Variants in DISC1 observed in about 807,000 individuals in gnomAD.
DISC1 encodes DISC1 scaffold protein.
A neutral mutation model predicts 84.5 loss-of-function variants in DISC1; 57 were observed. That is an observed-to-expected ratio of 0.67 (90% CI 0.55 to 0.84). DISC1 has a LOEUF of 0.84. Among genes scored for constraint, DISC1 ranks in the 40% least tolerant of loss-of-function variants. The pLI is 0.00. For missense variants in DISC1, 1,000 were observed against 1,057.8 expected (o/e 0.95, Z 0.76); for synonymous variants, 411 against 415.2 (o/e 0.99, Z 0.12).
At chr1:231,952,566 A>T (rs1270481622) in intron 9 of DISC1, among the ~76,000 whole-genome samples, 1 of 151,924 alleles carries the variant, frequency 6.6e-6, no homozygotes, top group Non-Finnish European at 1.5e-5. Context: ...GTAAAATCAC[A>T]CAATTAACCT....
At chr1:231,696,503 T>C (rs2065725121) in intron 2 of DISC1, among the ~76,000 whole-genome samples, 1 of 152,248 alleles carries the variant, frequency 6.6e-6, no homozygotes, top group African/African-American at 2.4e-5. Context: ...ACACTTTTTC[T>C]TTAGTGTAAG....
At chr1:231,992,494 A>G (rs184526912) in intron 10 of DISC1, among the ~76,000 whole-genome samples, 113 of 152,328 alleles carry the variant, frequency 7.4e-4, no homozygotes, top group African/African-American at 2.7e-3. Context: ...CGTTTGCCAC[A>G]TAAGAGTTTA....
At chr1:231,997,197 C>G (rs1411483465) in intron 10 of DISC1, among the ~76,000 whole-genome samples, 1 of 152,196 alleles carries the variant, frequency 6.6e-6, no homozygotes, top group Non-Finnish European at 1.5e-5. Flanking sequence ...ACTACCCTCA[C>G]TCAGGGTGCA....
At chr1:232,001,713 C>T (rs1666716889) in intron 10 of DISC1, among the ~76,000 whole-genome samples, 1 of 152,016 alleles carries the variant, frequency 6.6e-6, no homozygotes, top group African/African-American at 2.4e-5. Context: ...AACTAAGTCT[C>T]ATACTTCATG....
At chr1:232,019,942 T>A (rs564823118) in intron 11 of DISC1, among the ~76,000 whole-genome samples, 1 of 152,160 alleles carries the variant, frequency 6.6e-6, no homozygotes, top group Non-Finnish European at 1.5e-5. Context: ...CCTCCAGGAA[T>A]TGAGACTTTG....
At chr1:231,938,838 G>A (rs2091133959) in intron 9 of DISC1, among the ~76,000 whole-genome samples, 2 of 152,098 alleles carry the variant, frequency 1.3e-5, no homozygotes. Flanking sequence ...TCTTCTGTTA[G>A]GCAACTCTGC....
chr1:231,968,614 A>C (rs893898079), intron 10 of DISC1, among the ~76,000 whole-genome samples: 2 of 151,524 alleles, frequency 1.3e-5, no homozygotes, highest in Admixed American at 1.3e-4. Context: ...AAAAAAGCAA[A>C]AACAAAAACA....
At chr1:231,762,455 C>T (rs2075818890) in intron 4 of DISC1, among the ~76,000 whole-genome samples, 1 of 151,332 alleles carries the variant, frequency 6.6e-6, no homozygotes, top group African/African-American at 2.4e-5. Context: ...CCACTTCAGC[C>T]TCCCAAGTAG....
chr1:231,852,310 T>C (rs947236000), intron 9 of DISC1, among the ~76,000 whole-genome samples: 1 of 152,256 alleles, frequency 6.6e-6, no homozygotes, highest in Non-Finnish European at 1.5e-5. Context: ...TGAATCTTTA[T>C]TTCAGAGCTT....
At chr1:231,702,111 A>G (rs2066502083) in intron 3 of DISC1, 87 bp downstream of exon 3, 11 of 1,521,690 alleles carry the variant, frequency 7.2e-6, no homozygotes, top group South Asian at 3.8e-5. Context: ...TTGAATCCCA[A>G]AAGAATTGTA....
chr1:231,917,044 G>A (rs1427881929), intron 9 of DISC1, among the ~76,000 whole-genome samples: 1 of 152,058 alleles, frequency 6.6e-6, no homozygotes, highest in Non-Finnish European at 1.5e-5. Flanking sequence ...CCCTCTTTCG[G>A]GGTACGACAT....
chr1:232,029,167 G>T (rs1669760496), intron 12 of DISC1, among the ~76,000 whole-genome samples: 1 of 152,138 alleles, frequency 6.6e-6, no homozygotes, highest in African/African-American at 2.4e-5. Context: ...GTTGTGATAA[G>T]CGGAGAAGCA....
At chr1:231,982,445 A>G (rs902329735) in intron 10 of DISC1, among the ~76,000 whole-genome samples, 2 of 150,990 alleles carry the variant, frequency 1.3e-5, no homozygotes, top group Non-Finnish European at 2.9e-5. Flanking sequence ...TTACTTTTAC[A>G]TTTAGCAACT....
intron 3 of DISC1, among the ~76,000 whole-genome samples, chr1:231,711,447 C>T (rs1188027718): frequency 6.6e-6 from 1 of 150,600 alleles, no homozygotes; most frequent in African/African-American, 2.5e-5. Flanking sequence ...GCAAGCTCCG[C>T]CTCCCGGGTT....
chr1:231,686,898 C>T (rs1414909143), intron 1 of DISC1, among the ~76,000 whole-genome samples: 1 of 152,204 alleles, frequency 6.6e-6, no homozygotes, highest in South Asian at 2.1e-4. Context: ...TCATCCCTCT[C>T]AAGTTCAAAG....
chr1:231,773,245 G>A (rs907328544), intron 6 of DISC1, among the ~76,000 whole-genome samples: 2 of 152,204 alleles, frequency 1.3e-5, no homozygotes, highest in African/African-American at 4.8e-5. Context: ...TTGGCTGATA[G>A]AACTGAGCCC....
At chr1:231,871,473 T>C (rs9432024) in intron 9 of DISC1, among the ~76,000 whole-genome samples, 57,411 of 152,020 alleles carry the variant, frequency 0.38, 11,335 homozygotes, top group African/African-American at 0.49. Flanking sequence ...TAGTGCTAAG[T>C]GGGTTCTCTC....
rs1424403103 is a variant in DISC1 at position 231,626,901 on chromosome 1, G to GCCGCCGGCGGCGGCGGCGTGAGCCA, written c.39_63dup (p.Ala22ArgfsTer76). ...CGGGGGTCCTCAGGGCGCCCCAGCCGCCGCCGGCGGCGGCGGCGTGAGCCA... is the reference window on the plus strand; with the variant it reads ...CGGGGGTCCTCAGGGCGCCCCAGCCGCCGCCGGCGGCGGCGGCGTGAGCCACCGCCGGCGGCGGCGGCGTGAGCCA... On this transcript the variant is annotated frameshift_variant, in exon 1 of 13. Coordinates refer to ENST00000439617, the MANE Select transcript of DISC1 (RefSeq NM_018662.3). LOFTEE classifies it high-confidence loss of function. The GCCGCCGGCGGCGGCGGCGTGAGCCA allele has an allele frequency of 4.0e-6, 6 of 1,499,128 alleles. No individual in the cohort carries two copies. Among genetic ancestry groups the GCCGCCGGCGGCGGCGGCGTGAGCCA allele is most frequent in the African/African-American group, 2.9e-5 (2 of 68,366 alleles). The allele number at this position is 1,499,128 out of a possible 1,614,324, so 92.9% of individuals were successfully genotyped here.
intron 6 of DISC1, among the ~76,000 whole-genome samples, chr1:231,793,754 CA>C (rs1488218139): frequency 1.3e-5 from 2 of 152,176 alleles, no homozygotes; most frequent in African/African-American, 2.4e-5. Context: ...GGATAAAACT[CA>C]AAACTCCTTA....
Sources: gnomAD v4.1 joint callset for allele counts (sites outside exome capture counted in the v4.1 genomes callset) on GRCh38, gnomAD v4.1.1 for gene constraint, MANE v1.5 for transcripts, NCBI Gene and HGNC (gene_info 2026-07-23, HGNC 2026-07-21) for gene names.